KIRREL3: variants seen among roughly 807,000 people sequenced by gnomAD.
KIRREL3 encodes the protein kirre like nephrin family adhesion molecule 3.
KIRREL3 carries 36 observed loss-of-function variants against 89.7 expected under a neutral mutation model. The ratio of observed to expected loss-of-function variants is 0.40; its 90% CI spans 0.31 to 0.53. The LOEUF is 0.53. Among genes scored for constraint, KIRREL3 ranks in the 20% least tolerant of loss-of-function variants. The pLI, the probability that KIRREL3 is intolerant of heterozygous loss-of-function variation, is 0.49. For missense variants in KIRREL3, 864 were observed against 1,056.6 expected, an observed-to-expected ratio of 0.82 and a Z score of 2.53; for synonymous variants, 445 against 441.4, an observed-to-expected ratio of 1.01 and a Z score of -0.10.
At position 126,908,945 on chromosome 11, in the gene KIRREL3, T is replaced by C. The variant is rs117307639; in HGVS notation, c.55+91510A>G. Among the ~76,000 whole-genome samples the C allele has an allele frequency of 0.038, 5,820 of 152,318 alleles. 142 individuals are homozygous for C. The highest frequency in any genetic ancestry group is 0.063 in the Non-Finnish European group (4,291 of 68,042). Reference sequence around the variant, plus strand: ...TACACTTTAAATATCTAATTACTTATAATACATAATAAAAATATATGCTAT... The same window carrying C: ...TACACTTTAAATATCTAATTACTTACAATACATAATAAAAATATATGCTAT... On this transcript the variant is annotated intron_variant, in intron 1 of 16. Transcript: ENST00000525144. This position sits in a 1 kb window ranked among gnomAD's most constrained non-coding sequence, Gnocchi z 4.2.
At chr11:126,827,505 G>T (rs920371203) in intron 1 of KIRREL3, among the ~76,000 whole-genome samples, 1 of 152,090 alleles carries the variant, frequency 6.6e-6, no homozygotes, top group Non-Finnish European at 1.5e-5. Flanking sequence ...ATTTTTGGGG[G>T]GCATTTTAGA....
At position 126,551,737 on chromosome 11, in the gene KIRREL3, C is replaced by A. The variant is rs1037160131; in HGVS notation, c.133+11098G>T. On this transcript the variant is annotated intron_variant, in intron 2 of 16. Coordinates refer to ENST00000525144, the MANE Select transcript of KIRREL3 (RefSeq NM_032531.4). The surrounding 1 kb of genome is among the most constrained non-coding windows in gnomAD (Gnocchi z 4.9). ...TGACCTCGGCTCACTGCAACCTCTC[C>A]TGGGTTCAAGCGATTCTCCTGCCTC... Among the ~76,000 whole-genome samples, 16 of 151,914 alleles carry A rather than the reference C, an allele frequency of 1.1e-4. No homozygotes were observed. Among genetic ancestry groups the A allele is most frequent in the African/African-American group, 3.9e-4 (16 of 41,380 alleles).
In KIRREL3 at chr11:126,780,943, T is replaced by C. The variant is rs1348567404; in HGVS notation, c.56-218031A>G. ...GTTTGTTATGAGTTTCAATCTATCA[T>C]AGATGCTAAATAAAAGTTTGTATTT... On this transcript the variant is annotated intron_variant, in intron 1 of 16. Transcript: ENST00000525144. The surrounding 1 kb of genome is among the most constrained non-coding windows in gnomAD (Gnocchi z 5.3). 6.6e-6 allele frequency among the ~76,000 whole-genome samples: 1 copy of C among 152,224 alleles called. No individual in the cohort carries two copies. The highest frequency in any genetic ancestry group is 6.5e-5 in the Admixed American group (1 of 15,286).
chr11:126,510,010 A>T (rs866703226), intron 4 of KIRREL3, among the ~76,000 whole-genome samples: 1 of 149,654 alleles, frequency 6.7e-6, no homozygotes. Flanking sequence ...AAAAAAAAAA[A>T]AAAAAAAAGA....
In KIRREL3 at chr11:126,981,971, A is replaced by G. The variant is rs1210756895; in HGVS notation, c.55+18484T>C. ...CATATTATCAGATAGAACAAATGCA[A>G]ATATATACAAATTCATCCATATGAA... On this transcript the variant is annotated intron_variant, in intron 1 of 16. Transcript: ENST00000525144. The surrounding 1 kb of genome is among the most constrained non-coding windows in gnomAD (Gnocchi z 4.2). Among the ~76,000 whole-genome samples, 1 of 152,206 alleles carries G rather than the reference A, an allele frequency of 6.6e-6. No individual in the cohort carries two copies. Among genetic ancestry groups the G allele is most frequent in the Non-Finnish European group, 1.5e-5 (1 of 68,044 alleles).
intron 2 of KIRREL3, among the ~76,000 whole-genome samples, chr11:126,534,143 G>A (rs1959028128): frequency 6.6e-6 from 1 of 152,118 alleles, no homozygotes. Flanking sequence ...TCTCAAGGCT[G>A]GTGTTTGTGG....
intron 4 of KIRREL3, among the ~76,000 whole-genome samples, chr11:126,478,653 G>A (rs113967607): frequency 7.7e-6 from 1 of 129,082 alleles, no homozygotes; most frequent in Non-Finnish European, 1.5e-5. Context: ...GTGTATGTAT[G>A]TGTATATGTA....
At position 126,424,249 on chromosome 11, in the gene KIRREL3, A is replaced by C. The variant is rs1404238989; in HGVS notation, c.*331T>G. 1 of 391,508 alleles carries C rather than the reference A, an allele frequency of 2.6e-6. No homozygotes were observed. Among genetic ancestry groups the C allele is most frequent in the Non-Finnish European group, 4.8e-6 (1 of 209,684 alleles). 24.3% of individuals were successfully genotyped at this position (391,508 alleles called of 1,614,324 possible). ...GTGGACCGCAGTTTCATGAAAGCAG[A>C]GTTATAGCTGCCACTTGTGCCTGTG... is the stretch of plus-strand genomic sequence containing the variant. On this transcript the variant is annotated 3_prime_UTR_variant, in exon 17 of 17. Coordinates refer to ENST00000525144, the MANE Select transcript of KIRREL3 (RefSeq NM_032531.4).
In KIRREL3 at chr11:126,562,617, A is replaced by G. The variant is rs1234886963; in HGVS notation, c.133+218T>C. ...ACAAAGGGAGAAGGGAAGATTGCAT[A>G]AAGAAAATGCCCCTGAATCAGCATC... On this transcript the variant is annotated intron_variant, in intron 2 of 16. Coordinates refer to ENST00000525144, the MANE Select transcript of KIRREL3 (RefSeq NM_032531.4). The surrounding 1 kb of genome is among the most constrained non-coding windows in gnomAD (Gnocchi z 4.7). Among the ~76,000 whole-genome samples the G allele has an allele frequency of 6.6e-6, 1 of 152,174 alleles. No homozygotes were observed. The highest frequency in any genetic ancestry group is 1.5e-5 in the Non-Finnish European group (1 of 68,024).
At chr11:126,695,406 C>CAAAAAA (rs36034228) in intron 1 of KIRREL3, among the ~76,000 whole-genome samples, 1 of 64,348 alleles carries the variant, frequency 1.6e-5, no homozygotes, top group East Asian at 5.4e-4. Context: ...TTAGCTTTAC[C>CAAAAAA]AAAAAAAAAA....
Position 126,561,898 on chromosome 11 carries a change from C to A in KIRREL3, c.133+937G>T, listed in dbSNP as rs182745126. On this transcript the variant is annotated intron_variant, in intron 2 of 16. Transcript: ENST00000525144. This position sits in a 1 kb window ranked among gnomAD's most constrained non-coding sequence, Gnocchi z 4.5. Reference sequence around the variant, plus strand: ...ACAGCTGAGGAGCTTGGAAAGAGGGCACTGAGACCATGCTATGGGGATAGA... The same window carrying A: ...ACAGCTGAGGAGCTTGGAAAGAGGGAACTGAGACCATGCTATGGGGATAGA... Among the ~76,000 whole-genome samples, 8 of 152,238 alleles carry A rather than the reference C, an allele frequency of 5.3e-5. No individual in the cohort carries two copies. In the East Asian group the frequency reaches 1.2e-3, roughly 22 times the overall value.
At position 126,709,428 on chromosome 11, in the gene KIRREL3, G is replaced by A. The variant is rs1591997803; in HGVS notation, c.56-146516C>T. 1.3e-5 allele frequency among the ~76,000 whole-genome samples: 2 copies of A among 152,312 alleles called. No individual in the cohort carries two copies. The highest frequency in any genetic ancestry group is 1.3e-4 in the Admixed American group (2 of 15,306). On this transcript the variant is annotated intron_variant, in intron 1 of 16. Transcript: ENST00000525144. The surrounding 1 kb of genome is among the most constrained non-coding windows in gnomAD (Gnocchi z 4.0). ...TTCACACCTAACTGGCTAAAGTACA[G>A]GCAAACACCTGCTAATGAGTGGTGG...
intron 1 of KIRREL3, among the ~76,000 whole-genome samples, chr11:126,702,373 A>T (rs995854696): frequency 6.6e-6 from 1 of 152,236 alleles, no homozygotes; most frequent in African/African-American, 2.4e-5. Flanking sequence ...CATGATGATT[A>T]TGATGATTGT....
Position 126,653,602 on chromosome 11 carries a change from C to A in KIRREL3, c.56-90690G>T, listed in dbSNP as rs1370883721. On this transcript the variant is annotated intron_variant, in intron 1 of 16. Transcript: ENST00000525144. The surrounding 1 kb of genome is among the most constrained non-coding windows in gnomAD (Gnocchi z 5.4). ...TGCAAACTCCAATCCCCCAGGACCA[C>A]ATGTGAAGGAGCTCTTTTCAAGGTC... 2.6e-5 allele frequency among the ~76,000 whole-genome samples: 4 copies of A among 152,206 alleles called. No homozygotes were observed. Among genetic ancestry groups the A allele is most frequent in the Non-Finnish European group, 5.9e-5 (4 of 68,036 alleles).
Position 126,569,748 on chromosome 11 carries a change from CA to C in KIRREL3, c.56-6837del, listed in dbSNP as rs1002411426. On this transcript the variant is annotated intron_variant, in intron 1 of 16. Transcript: ENST00000525144. This position sits in a 1 kb window ranked among gnomAD's most constrained non-coding sequence, Gnocchi z 6.5. ...TGTGGGATGGTGAGGGAGGTCCTTGCAAAAGGCCTTGAAAGCTGGAGATTGT... is the reference window on the plus strand; with the variant it reads ...TGTGGGATGGTGAGGGAGGTCCTTGCAAAGGCCTTGAAAGCTGGAGATTGT... Among the ~76,000 whole-genome samples, 10 of 152,124 alleles carry C rather than the reference CA, an allele frequency of 6.6e-5. No homozygotes were observed. Among genetic ancestry groups the C allele is most frequent in the Non-Finnish European group, 1.2e-4 (8 of 68,040 alleles).
Position 126,477,604 on chromosome 11 carries a change from A to G in KIRREL3, c.434-4138T>C, listed in dbSNP as rs1321140594. ...CGCACTAAGGTTCTCTCTAACCTCTATACTCCCCTTTTTTTAGAGACAGTT... is the reference window on the plus strand; with the variant it reads ...CGCACTAAGGTTCTCTCTAACCTCTGTACTCCCCTTTTTTTAGAGACAGTT... On this transcript the variant is annotated intron_variant, in intron 4 of 16. Coordinates refer to ENST00000525144, the MANE Select transcript of KIRREL3 (RefSeq NM_032531.4). This position sits in a 1 kb window ranked among gnomAD's most constrained non-coding sequence, Gnocchi z 4.8. 6.6e-6 allele frequency among the ~76,000 whole-genome samples: 1 copy of G among 152,108 alleles called. No homozygotes were observed. The highest frequency in any genetic ancestry group is 2.4e-5 in the African/African-American group (1 of 41,422).
At chr11:126,556,752 T>A (rs915848678) in intron 2 of KIRREL3, among the ~76,000 whole-genome samples, 1 of 152,154 alleles carries the variant, frequency 6.6e-6, no homozygotes, top group Non-Finnish European at 1.5e-5. Context: ...GAAAAAGCTT[T>A]GGAATGTTCC....
chr11:126,925,813 C>T (rs922747510), intron 1 of KIRREL3, among the ~76,000 whole-genome samples: 10 of 152,328 alleles, frequency 6.6e-5, no homozygotes, highest in East Asian at 5.8e-4. Flanking sequence ...GCCCAGGTAC[C>T]GGCCTTCTCC....
Position 126,963,777 on chromosome 11 carries a change from TACAA to T in KIRREL3, c.55+36674_55+36677del, listed in dbSNP as rs1949175160. Among the ~76,000 whole-genome samples the T allele has an allele frequency of 2.6e-5, 4 of 152,330 alleles. No individual in the cohort carries two copies. In the South Asian group the frequency reaches 8.3e-4, roughly 32 times the overall value. ...ACTTCCCTGACTACTCCCTGAGGAC[TACAA>T]ACAATGAGTTACTTCAACATGTCTG... On this transcript the variant is annotated intron_variant, in intron 1 of 16. Transcript: ENST00000525144.
Sources: allele counts gnomAD v4.1 joint callset (sites outside exome capture counted in the v4.1 genomes callset), GRCh38; gene constraint gnomAD v4.1.1; non-coding constraint Gnocchi (gnomAD v3.1); transcripts MANE v1.5; gene names NCBI Gene and HGNC (gene_info 2026-07-23, HGNC 2026-07-21).